The following SEPTIN14 variants were observed in gnomAD, a reference collection of about 807,000 sequenced individuals.
The protein encoded by SEPTIN14 is septin 14.
A neutral mutation model predicts 53.6 loss-of-function variants in SEPTIN14; 40 were observed. That is an observed-to-expected ratio of 0.75 (90% CI 0.58 to 0.97). The LOEUF is 0.97. Ranked by LOEUF, SEPTIN14 falls within the 50% of genes least tolerant of loss-of-function variation. The pLI is 0.00. For missense variants in SEPTIN14, 471 were observed against 508.2 expected (o/e 0.93, Z 0.70); for synonymous variants, 138 against 166.8 (o/e 0.83, Z 1.33).
chr7:55,805,313 C>A lies in SEPTIN14; in HGVS notation c.1064G>T (p.Arg355Ile). The A allele has an allele frequency of 6.2e-7, 1 of 1,611,906 alleles. No individual in the cohort carries two copies. The highest frequency in any genetic ancestry group is 8.5e-7 in the Non-Finnish European group (1 of 1,178,628). Residue 355 changes from arginine to isoleucine, a missense_variant, in exon 9 of 10, where the codon AGA becomes ATA. Transcript: ENST00000388975. The part of the protein sequence containing the change: ...CQREEEELKQ[R>I]FMQRVKEKEA... The stretch of plus-strand genomic sequence containing the variant: ...TTTCTCCTTGACTCGCTGCATAAAT[C>A]TCTGTTTCAACTCTTCTTCTTCCCT...
intron 8 of SEPTIN14, among the ~76,000 whole-genome samples, chr7:55,806,120 C>T (rs1198432136): frequency 1.3e-5 from 2 of 152,090 alleles, no homozygotes; most frequent in Non-Finnish European, 2.9e-5. Flanking sequence ...CCTCAGCCTC[C>T]CGAGTTAACT....
intron 5 of SEPTIN14, 21 bp from the exon 6 acceptor site, chr7:55,834,607 C>T: frequency 1.3e-6 from 2 of 1,561,866 alleles, no homozygotes; most frequent in African/African-American, 1.4e-5. Context: ...AGAAGACAAA[C>T]AAAATCTCAT....
chr7:55,797,371 C>T (rs780088781), intron 9 of SEPTIN14, among the ~76,000 whole-genome samples: 6 of 152,064 alleles, frequency 3.9e-5, no homozygotes, highest in Non-Finnish European at 8.8e-5. Flanking sequence ...ATCAAATAGT[C>T]AAAAGTCAAA....
intron 5 of SEPTIN14, among the ~76,000 whole-genome samples, chr7:55,842,220 T>G (rs573943901): frequency 6.6e-6 from 1 of 151,882 alleles, no homozygotes; most frequent in East Asian, 1.9e-4. Flanking sequence ...CTAAGATGTT[T>G]GCATAATGAT....
intron 8 of SEPTIN14, 62 bp downstream of exon 8, chr7:55,807,028 C>T: frequency 1.3e-5 from 15 of 1,188,218 alleles, no homozygotes; most frequent in East Asian, 2.6e-5. Flanking sequence ...AATTATCATA[C>T]CTTGTGTTTG....
rs1241339627 is a variant in SEPTIN14, at chr7:55,842,990, A to G, written c.510T>C (p.His170=). 2 of 1,565,114 alleles carry G rather than the reference A, an allele frequency of 1.3e-6. No homozygotes were observed. Among genetic ancestry groups the G allele is most frequent in the Admixed American group, 2.0e-5 (1 of 50,350 alleles). Residue 170 remains histidine (H), a synonymous_variant, in exon 5 of 10, where the codon CAT becomes CAC. Transcript: ENST00000388975. The part of the protein sequence containing the change: ...VCLYFISPTG[H]SLKSLDLLTM... ...TTAATAGATCAAGAGACTTCAGGGA[A>G]TGTCCTGTAGGTGAAATGAAGTAAA...
chr7:55,847,664 T>G (rs910272340), intron 2 of SEPTIN14, among the ~76,000 whole-genome samples: 5 of 152,184 alleles, frequency 3.3e-5, no homozygotes, highest in African/African-American at 1.2e-4. Flanking sequence ...GTTGAATGAT[T>G]GTAAGCTGGA....
At chr7:55,834,888 G>A (rs975921146) in intron 5 of SEPTIN14, among the ~76,000 whole-genome samples, 22 of 152,136 alleles carry the variant, frequency 1.4e-4, no homozygotes, top group African/African-American at 5.1e-4. Context: ...CTCGTGATCC[G>A]CCTGCCCCGG....
At chr7:55,835,337 G>A (rs1789187037) in intron 5 of SEPTIN14, among the ~76,000 whole-genome samples, 1 of 151,786 alleles carries the variant, frequency 6.6e-6, no homozygotes, top group Non-Finnish European at 1.5e-5. Context: ...CGAGTAGCTG[G>A]GACTACAGGC....
At chr7:55,830,349 A>ATATATATATAT (rs71015108) in intron 6 of SEPTIN14, among the ~76,000 whole-genome samples, 4 of 56,854 alleles carry the variant, frequency 7.0e-5, no homozygotes, top group African/African-American at 1.0e-4. Context: ...ATATATATAT[A>ATATATATATAT]TTTTTTTTTT....
At chr7:55,824,542 G>C (rs911253400) in intron 6 of SEPTIN14, among the ~76,000 whole-genome samples, 2 of 151,820 alleles carry the variant, frequency 1.3e-5, no homozygotes, top group African/African-American at 4.8e-5. Flanking sequence ...CAGCACTTTG[G>C]AAGGCTGAGG....
rs1270904512 is a variant in SEPTIN14 at position 55,848,621 on chromosome 7, T to C, written c.55-1984A>G. 2.8e-3 allele frequency among the ~76,000 whole-genome samples: 418 copies of C among 150,574 alleles called. 5 individuals carry two copies. The highest frequency in any genetic ancestry group is 0.01 in the Middle Eastern group (3 of 294). On this transcript the variant is annotated intron_variant, in intron 2 of 9. Transcript: ENST00000388975. ...TACTAACAGAGATTTTTTTTTTTTT[T>C]TTTTTTTGAGACGGAGTCTCGCTCT...
intron 6 of SEPTIN14, among the ~76,000 whole-genome samples, chr7:55,830,966 T>G (rs988795061): frequency 1.3e-5 from 2 of 152,076 alleles, no homozygotes; most frequent in African/African-American, 4.8e-5. Flanking sequence ...AGAATCAACA[T>G]CATTACAAAG....
At chr7:55,850,385 C>G (rs1789497290) in intron 2 of SEPTIN14, among the ~76,000 whole-genome samples, 1 of 151,874 alleles carries the variant, frequency 6.6e-6, no homozygotes, top group Non-Finnish European at 1.5e-5. Flanking sequence ...CAGGAGAATC[C>G]CTTGAACCCA....
intron 2 of SEPTIN14, among the ~76,000 whole-genome samples, chr7:55,855,469 C>A (rs1789604217): frequency 1.3e-5 from 2 of 152,170 alleles, no homozygotes; most frequent in Non-Finnish European, 1.5e-5. Context: ...AGTTCTAAAG[C>A]AAGGAGCAAA....
chr7:55,808,532 T>C (rs75892653), intron 7 of SEPTIN14, among the ~76,000 whole-genome samples: 8,616 of 152,270 alleles, frequency 0.057, 427 homozygotes, highest in East Asian at 0.18. Context: ...TCAGCCATTG[T>C]GAAAAGTAGT....
chr7:55,846,577 G>C lies in SEPTIN14; in HGVS notation c.115C>G (p.Pro39Ala). 1 of 1,579,500 alleles carries C rather than the reference G, an allele frequency of 6.3e-7. No homozygotes were observed. The highest frequency in any genetic ancestry group is 2.2e-5 in the East Asian group (1 of 44,518). ...ATAGATCTGCTCACCAACTGATTGG[G>C]CAAACATTCAAAACCAAAATGTCCA... ...TIGHFGFECL[P>A]NQLVSRSIRQ... Residue 39 changes from proline (P) to alanine (A), a missense_variant, in exon 3 of 10, where the codon CCC becomes GCC. Physicochemically the swap from Pro to Ala is conservative, Grantham distance 27 (BLOSUM62 -1). Transcript: ENST00000388975.
intron 7 of SEPTIN14, chr7:55,811,142 T>G (rs1788698775): frequency 2.1e-6 from 1 of 487,154 alleles, no homozygotes; most frequent in Non-Finnish European, 4.1e-6. Context: ...GGTCAGCTGT[T>G]GCTGCCTCTT....
chr7:55,847,683 A>T (rs574941877), intron 2 of SEPTIN14, among the ~76,000 whole-genome samples: 55 of 152,200 alleles, frequency 3.6e-4, no homozygotes, highest in Non-Finnish European at 6.9e-4. Flanking sequence ...GAGATCCTCT[A>T]CATATGTGAG....
Sources: allele counts gnomAD v4.1 joint callset (sites outside exome capture counted in the v4.1 genomes callset), GRCh38; gene constraint gnomAD v4.1.1; transcripts MANE v1.5; gene names NCBI Gene and HGNC (gene_info 2026-07-23, HGNC 2026-07-21).